SHANK2: variants seen among roughly 807,000 people sequenced by gnomAD.
SHANK2 encodes SH3 and multiple ankyrin repeat domains 2.
In SHANK2, 43 loss-of-function variants were observed where a neutral mutation model predicts 133.7. The observed-to-expected ratio is 0.32, with a 90% CI of 0.25 to 0.41. The LOEUF (loss-of-function observed/expected upper bound fraction) is 0.41. SHANK2 is among the 10% of genes least tolerant of loss of function. The probability of loss-of-function intolerance (pLI) is 1.00; values close to 1 mark genes in which losing one functional copy is unlikely to be tolerated. For missense variants in SHANK2, 1,994 were observed against 2,235.8 expected, an observed-to-expected ratio of 0.89 and a Z score of 2.18; for synonymous variants, 1,017 against 952.8, an observed-to-expected ratio of 1.07 and a Z score of -1.24.
chr11:71,210,342 A>AG (rs1256652829), intron 2 of SHANK2, among the ~76,000 whole-genome samples: 1 of 148,846 alleles, frequency 6.7e-6, no homozygotes, highest in Non-Finnish European at 1.5e-5. Context: ...TCTGCCTCCC[A>AG]GGTTCATGCC....
At chr11:71,117,577 G>A (rs551900637) in intron 4 of SHANK2, among the ~76,000 whole-genome samples, 1 of 148,662 alleles carries the variant, frequency 6.7e-6, no homozygotes, top group African/African-American at 2.5e-5. Context: ...TGGCAGGATG[G>A]AGTCCAATCA....
intron 11 of SHANK2, chr11:70,895,528 G>A (rs1949920436): frequency 6.6e-6 from 1 of 152,542 alleles, no homozygotes; most frequent in Non-Finnish European, 1.5e-5. Flanking sequence ...GGAGAGAGGA[G>A]GAGCCCCAAA....
Position 70,786,973 on chromosome 11 carries a change from G to A in SHANK2, c.1777+11470C>T, listed in dbSNP as rs1267411283. Among the ~76,000 whole-genome samples, 3 of 150,858 alleles carry A rather than the reference G, an allele frequency of 2.0e-5. No homozygotes were observed. In the South Asian group the frequency reaches 6.3e-4, roughly 32 times the overall value. ...ACAGCATCACCACTATCATCACCAT[G>A]ACCACCACCACCAGCATCACCACCA... On this transcript the variant is annotated intron_variant, in intron 14 of 25. Coordinates refer to ENST00000601538, the MANE Select transcript of SHANK2 (RefSeq NM_012309.5).
chr11:70,482,394 C>T (rs1348354325), intron 25 of SHANK2, among the ~76,000 whole-genome samples: 5 of 152,232 alleles, frequency 3.3e-5, no homozygotes, highest in African/African-American at 1.2e-4. Flanking sequence ...AGCAGCCCCG[C>T]CCGCGGCAGT....
intron 8 of SHANK2, among the ~76,000 whole-genome samples, chr11:71,076,481 T>A: frequency 7.5e-6 from 1 of 134,098 alleles, no homozygotes; most frequent in African/African-American, 2.8e-5. Flanking sequence ...TTGGATGAGC[T>A]ATAAAAACAA....
At chr11:70,573,982 C>T (rs935915025) in intron 17 of SHANK2, among the ~76,000 whole-genome samples, 2 of 152,218 alleles carry the variant, frequency 1.3e-5, no homozygotes, top group South Asian at 4.1e-4. Flanking sequence ...GCCACCAAGA[C>T]CCATGCACCT....
intron 2 of SHANK2, among the ~76,000 whole-genome samples, chr11:71,218,548 C>A (rs575026118): frequency 1.7e-3 from 258 of 152,216 alleles, no homozygotes; most frequent in African/African-American, 5.9e-3. Context: ...CAGGTGTGAG[C>A]CCCCGGGACC....
intron 2 of SHANK2, among the ~76,000 whole-genome samples, chr11:71,162,613 T>C (rs1240815192): frequency 6.6e-6 from 1 of 152,304 alleles, no homozygotes; most frequent in East Asian, 1.9e-4. Context: ...TGGGGAAATG[T>C]CAATTGCAAA....
At chr11:71,097,535 A>T (rs782298478) in intron 6 of SHANK2, among the ~76,000 whole-genome samples, 17 of 152,270 alleles carry the variant, frequency 1.1e-4, no homozygotes, top group Non-Finnish European at 2.1e-4. Context: ...CTCAACGTGA[A>T]CAACGGGTGG....
rs782002202 is a variant in SHANK2, at chr11:71,147,181, G to A, written c.146C>T (p.Thr49Met). Residue 49 changes from threonine to methionine, a missense_variant, in exon 3 of 26, where the codon ACG becomes ATG. By Grantham distance (81) the Thr-to-Met change is moderately conservative. This residue lies in a region of SHANK2 where 653 missense variants were observed against 563.4 expected (regional missense o/e 1.16). Coordinates refer to ENST00000601538, the MANE Select transcript of SHANK2 (RefSeq NM_012309.5). Reference sequence around the variant, plus strand: ...CAGCGTGTTGCCCTGGCTCTCCTCCGTCCTGGCACCGCCCGGCTTCTCCGC... The same window carrying A: ...CAGCGTGTTGCCCTGGCTCTCCTCCATCCTGGCACCGCCCGGCTTCTCCGC... ...ATAEKPGGAR[T>M]EESQGNTLVI... 1.9e-5 allele frequency: 29 copies of A among 1,550,572 alleles called. No individual in the cohort carries two copies. Among genetic ancestry groups the A allele is most frequent in the South Asian group, 1.1e-4 (9 of 84,056 alleles).
chr11:70,729,594 G>A (rs995201839), intron 14 of SHANK2, among the ~76,000 whole-genome samples: 7 of 149,984 alleles, frequency 4.7e-5, no homozygotes, highest in African/African-American at 1.7e-4. Flanking sequence ...GTGCGATCTC[G>A]GCTCACTGCA....
intron 22 of SHANK2, among the ~76,000 whole-genome samples, chr11:70,490,814 C>G (rs980880053): frequency 9.9e-5 from 15 of 152,216 alleles, no homozygotes; most frequent in African/African-American, 3.6e-4. Context: ...CCATCAAGTC[C>G]TTACATAGGA....
chr11:71,066,654 C>T (rs1045294287), intron 9 of SHANK2, among the ~76,000 whole-genome samples: 16 of 152,320 alleles, frequency 1.1e-4, no homozygotes, highest in Non-Finnish European at 2.2e-4. Flanking sequence ...TTACTGCACA[C>T]TCCAAAGTGT....
chr11:70,817,788 G>A (rs1948430894), intron 12 of SHANK2, among the ~76,000 whole-genome samples: 1 of 152,232 alleles, frequency 6.6e-6, no homozygotes, highest in Admixed American at 6.5e-5. Context: ...AGGCCGGAGT[G>A]CAGTGGTGCC....
chr11:70,882,999 CAG>C lies in SHANK2; in HGVS notation c.1174+13500_1174+13501del, dbSNP rs1300754007. Among the ~76,000 whole-genome samples, 2 of 152,138 alleles carry C rather than the reference CAG, an allele frequency of 1.3e-5. No individual in the cohort carries two copies. The highest frequency in any genetic ancestry group is 2.9e-5 in the Non-Finnish European group (2 of 68,014). ...GCCAGGGTCCCAGAGGTCAAGGTGG[CAG>C]AGAGAGAAGCAGTGTTATGGGCAGC... On this transcript the variant is annotated intron_variant, in intron 11 of 25. Transcript: ENST00000601538. This position sits in a 1 kb window ranked among gnomAD's most constrained non-coding sequence, Gnocchi z 4.2.
At chr11:70,548,493 A>G (rs7129650) in intron 17 of SHANK2, among the ~76,000 whole-genome samples, 147,057 of 152,310 alleles carry the variant, frequency 0.97, 71,217 homozygotes, top group East Asian at 1. Context: ...TCTAGAGTTT[A>G]GTGGGAGGCT....
At chr11:70,954,772 A>G (rs989327408) in intron 10 of SHANK2, among the ~76,000 whole-genome samples, 5 of 152,316 alleles carry the variant, frequency 3.3e-5, no homozygotes, top group Admixed American at 1.3e-4. Flanking sequence ...AGAGAACTGG[A>G]AATTCAGTTC....
chr11:70,571,483 G>A (rs2060044714), intron 17 of SHANK2: 1 of 152,218 alleles, frequency 6.6e-6, no homozygotes, highest in East Asian at 1.9e-4. Flanking sequence ...GAAATAAAAT[G>A]TTCATTTTCC....
intron 11 of SHANK2, among the ~76,000 whole-genome samples, chr11:70,837,906 G>A (rs888262278): frequency 3.8e-4 from 56 of 146,840 alleles, no homozygotes; most frequent in Admixed American, 3.4e-3. Flanking sequence ...CCCAGGAGGC[G>A]GAAGTTCCAG....
Sources: gnomAD v4.1 joint callset for allele counts (sites outside exome capture counted in the v4.1 genomes callset) on GRCh38, gnomAD v4.1.1 for gene constraint, gnomAD v4.1.1 regional missense constraint, Gnocchi (gnomAD v3.1) non-coding constraint, MANE v1.5 for transcripts, NCBI Gene and HGNC (gene_info 2026-07-23, HGNC 2026-07-21) for gene names.